PKIB: variants seen among roughly 807,000 people sequenced by gnomAD.
PKIB encodes cAMP-dependent protein kinase inhibitor beta, also known as PKI-beta.
Under a neutral mutation model 4.5 loss-of-function variants are expected in PKIB, and 2 were observed. The ratio of observed to expected loss-of-function variants is 0.44; its 90% confidence interval spans 0.18 to 1.39. The LOEUF is 1.39. PKIB is among the 40% of genes most tolerant of loss of function. The pLI is 0.27. For synonymous variants in PKIB, 38 were observed against 36.0 expected (o/e 1.06, Z -0.20); for missense variants, 94 against 92.6 (o/e 1.02, Z -0.06).
intron 3 of PKIB, among the ~76,000 whole-genome samples, chr6:122,694,363 C>T (rs541728524): frequency 7.9e-5 from 12 of 152,108 alleles, no homozygotes; most frequent in Non-Finnish European, 1.6e-4. Flanking sequence ...GAAACACTGT[C>T]CTGGTTTAAA....
At chr6:122,660,376 A>G (rs1776936679) in intron 2 of PKIB, among the ~76,000 whole-genome samples, 1 of 152,238 alleles carries the variant, frequency 6.6e-6, no homozygotes, top group Non-Finnish European at 1.5e-5. Flanking sequence ...GATTTCAGCT[A>G]TGGAACTAGA....
At chr6:122,527,687 A>G (rs899729377) in intron 2 of PKIB, among the ~76,000 whole-genome samples, 1 of 152,160 alleles carries the variant, frequency 6.6e-6, no homozygotes, top group Non-Finnish European at 1.5e-5. Context: ...CACTGACCAC[A>G]GATCACCCTA....
chr6:122,548,479 A>G (rs1371684591), intron 2 of PKIB, among the ~76,000 whole-genome samples: 1 of 152,238 alleles, frequency 6.6e-6, no homozygotes, highest in East Asian at 1.9e-4. Context: ...GGGAGAAAGG[A>G]CATCAAATAT....
At chr6:122,518,993 C>G (rs1562237033) in intron 2 of PKIB, among the ~76,000 whole-genome samples, 1 of 152,132 alleles carries the variant, frequency 6.6e-6, no homozygotes, top group Non-Finnish European at 1.5e-5. Context: ...GAAGAAAATG[C>G]TATAATACAA....
At chr6:122,611,614 C>T (rs1346636393) in intron 1 of PKIB, among the ~76,000 whole-genome samples, 1 of 152,160 alleles carries the variant, frequency 6.6e-6, no homozygotes, top group Non-Finnish European at 1.5e-5. Flanking sequence ...TCTTCGTGTA[C>T]AGATAGATTT....
intron 2 of PKIB, among the ~76,000 whole-genome samples, chr6:122,574,896 G>A (rs190508492): frequency 6.6e-6 from 1 of 152,138 alleles, no homozygotes; most frequent in Admixed American, 6.5e-5. Flanking sequence ...AAATAAATAA[G>A]TGTGACCTAC....
intron 3 of PKIB, among the ~76,000 whole-genome samples, chr6:122,704,825 C>T (rs964429976): frequency 4.6e-5 from 7 of 151,892 alleles, no homozygotes; most frequent in African/African-American, 1.7e-4. Context: ...CTTGAAACCC[C>T]AGTACTTTTG....
intron 2 of PKIB, among the ~76,000 whole-genome samples, chr6:122,541,346 C>T (rs937688867): frequency 2.6e-5 from 4 of 151,946 alleles, no homozygotes; most frequent in Middle Eastern, 3.4e-3. Flanking sequence ...ATGTTTAGTG[C>T]TTCCTTCAGG....
In PKIB at chr6:122,704,053, G is replaced by A. The variant is rs551164545; in HGVS notation, c.-8-13734G>A. Among the ~76,000 whole-genome samples, 92 of 151,232 alleles carry A rather than the reference G, an allele frequency of 6.1e-4. 3 individuals carry two copies. In the South Asian group the frequency reaches 0.019, roughly 31 times the overall value. On this transcript the variant is annotated intron_variant, in intron 3 of 4. Coordinates refer to ENST00000368452, the MANE Select transcript of PKIB (RefSeq NM_181795.3). ...GAGACTCAGGAGAGCTAATGATATG[G>A]TTCCAGTTTGTGTTCAAGTCTGATA...
intron 2 of PKIB, among the ~76,000 whole-genome samples, chr6:122,499,969 TACCTA>T (rs1212228802): frequency 1.1e-4 from 17 of 152,180 alleles, no homozygotes; most frequent in African/African-American, 4.1e-4. Context: ...AAAAATAAAA[TACCTA>T]AGAATACATC....
intron 2 of PKIB, among the ~76,000 whole-genome samples, chr6:122,546,872 C>T (rs954251781): frequency 6.6e-6 from 1 of 152,034 alleles, no homozygotes; most frequent in East Asian, 1.9e-4. Context: ...CCTTAAAGAC[C>T]TTTATCACAG....
intron 2 of PKIB, among the ~76,000 whole-genome samples, chr6:122,498,192 A>G (rs757520112): frequency 6.6e-6 from 1 of 152,218 alleles, no homozygotes; most frequent in Non-Finnish European, 1.5e-5. Flanking sequence ...TATTGGACTT[A>G]CAGTTCCACG....
intron 3 of PKIB, among the ~76,000 whole-genome samples, chr6:122,594,642 A>G (rs995435830): frequency 3.9e-5 from 6 of 152,182 alleles, no homozygotes; most frequent in African/African-American, 1.4e-4. Context: ...ACCTTCTTCT[A>G]CTACCCATTC....
chr6:122,504,978 G>A lies in PKIB; in HGVS notation c.-248+27039G>A, dbSNP rs565922660. 9.7e-4 allele frequency among the ~76,000 whole-genome samples: 148 copies of A among 152,280 alleles called. 2 individuals carry two copies. The highest frequency in any genetic ancestry group is 8.8e-5 in the Non-Finnish European group (6 of 68,016). ...AGTTTTAAAATGGAGGCTGCAAAAC[G>A]CCCCGAGCTCTGGTTTCTACTTGAT... On this transcript the variant is annotated intron_variant, in intron 2 of 6. Transcript: ENST00000392491.
Position 122,600,278 on chromosome 6 carries a change from T to C in PKIB, c.-161+14271T>C, listed in dbSNP as rs545470163. 3.4e-3 allele frequency among the ~76,000 whole-genome samples: 512 copies of C among 152,312 alleles called. 1 individual carries two copies. The highest frequency in any genetic ancestry group is 5.8e-3 in the Non-Finnish European group (397 of 68,032). ...TGCTTTATATTTGCTGGCAGCTGAT[T>C]AGATTGTGGCCACCAGATTAAGGGT... On this transcript the variant is annotated intron_variant, in intron 3 of 6. Coordinates refer to the PKIB transcript ENST00000392491.
chr6:122,477,082 T>C (rs1182059518), intron 1 of PKIB, among the ~76,000 whole-genome samples: 2 of 152,198 alleles, frequency 1.3e-5, no homozygotes, highest in African/African-American at 2.4e-5. Flanking sequence ...GAACTCTATA[T>C]CCAAAATATT....
At chr6:122,604,186 T>A (rs1774458496) in intron 3 of PKIB, among the ~76,000 whole-genome samples, 1 of 152,198 alleles carries the variant, frequency 6.6e-6, no homozygotes, top group Admixed American at 6.5e-5. Context: ...TAGAAGAATC[T>A]CATGCTGACA....
intron 3 of PKIB, among the ~76,000 whole-genome samples, chr6:122,604,571 ATTAG>A (rs1370749042): frequency 1.3e-5 from 2 of 152,238 alleles, no homozygotes; most frequent in African/African-American, 2.4e-5. Flanking sequence ...AGTGATAAGA[ATTAG>A]TTAGTTGGAG....
chr6:122,506,993 G>A (rs955459570), intron 2 of PKIB, among the ~76,000 whole-genome samples: 2 of 151,904 alleles, frequency 1.3e-5, no homozygotes, highest in Non-Finnish European at 2.9e-5. Context: ...GAGCCACCGC[G>A]CCCGGCCGTA....
Sources: allele counts gnomAD v4.1 joint callset (sites outside exome capture counted in the v4.1 genomes callset), GRCh38; gene constraint gnomAD v4.1.1; transcripts MANE v1.5; gene names NCBI Gene and HGNC (gene_info 2026-07-23, HGNC 2026-07-21).